The following XKR4 variants were observed in gnomAD, a reference collection of about 807,000 sequenced individuals.
The protein encoded by XKR4 is XK related 4, also known as XK-related protein 4.
In XKR4, 12 loss-of-function variants were observed where a neutral mutation model predicts 53.9. The ratio of observed to expected loss-of-function variants is 0.22; its 90% CI spans 0.14 to 0.36. XKR4 has a LOEUF of 0.36. XKR4 is among the 10% of genes least tolerant of loss of function. XKR4 has a pLI of 1.00. For synonymous variants in XKR4, 354 were observed against 362.4 expected (o/e 0.98, Z 0.26); for missense variants, 799 against 859.5 (o/e 0.93, Z 0.88).
At chr8:55,325,490 G>A (rs1035380293) in intron 1 of XKR4, among the ~76,000 whole-genome samples, 1 of 152,114 alleles carries the variant, frequency 6.6e-6, no homozygotes, top group African/African-American at 2.4e-5. Context: ...AATTTACCCT[G>A]CGGGGTCTTC....
intron 1 of XKR4, among the ~76,000 whole-genome samples, chr8:55,128,367 C>G (rs1816502943): frequency 6.6e-6 from 1 of 152,176 alleles, no homozygotes; most frequent in South Asian, 2.1e-4. Flanking sequence ...CTTCTGTAGT[C>G]TCAGCTCTCA....
intron 2 of XKR4, chr8:55,452,057 G>C (rs987058376): frequency 1.4e-6 from 1 of 714,120 alleles, no homozygotes; most frequent in Admixed American, 2.0e-5. Context: ...AAGGACCCTT[G>C]TTCTTGGTGA....
chr8:55,182,221 T>TA (rs1400212158), intron 1 of XKR4, among the ~76,000 whole-genome samples: 1 of 152,162 alleles, frequency 6.6e-6, no homozygotes, highest in African/African-American at 2.4e-5. Context: ...TGCCTTCTCA[T>TA]TCCCATAACA....
intron 1 of XKR4, among the ~76,000 whole-genome samples, chr8:55,239,925 G>A (rs757272768): frequency 1.3e-5 from 2 of 152,104 alleles, no homozygotes; most frequent in Non-Finnish European, 2.9e-5. Flanking sequence ...TGACCTAATG[G>A]TCTCTCCCCA....
chr8:55,488,661 C>CAAGGATGAATAGAT (rs1585602103), intron 2 of XKR4, among the ~76,000 whole-genome samples: 7 of 16,574 alleles, frequency 4.2e-4, no homozygotes, highest in South Asian at 3.2e-3. Flanking sequence ...CAATGGTGGC[C>CAAGGATGAATAGAT]GGGCGCGGTG....
At chr8:55,321,203 G>A (rs192107041) in intron 1 of XKR4, among the ~76,000 whole-genome samples, 2 of 151,986 alleles carry the variant, frequency 1.3e-5, no homozygotes, top group East Asian at 1.9e-4. Context: ...TTGCAGATTC[G>A]AGTTCTCTCT....
At chr8:55,305,762 C>T (rs1246155739) in intron 1 of XKR4, among the ~76,000 whole-genome samples, 1 of 152,118 alleles carries the variant, frequency 6.6e-6, no homozygotes, top group Non-Finnish European at 1.5e-5. Context: ...ATTCCCAACC[C>T]ACCAAGCTCA....
Position 55,374,463 on chromosome 8 carries a change from T to C in XKR4, c.1006+16586T>C, listed in dbSNP as rs535385788. On this transcript the variant is annotated intron_variant, in intron 2 of 2. Coordinates refer to ENST00000327381, the MANE Select transcript of XKR4 (RefSeq NM_052898.2). ...ACTGTACCTCAAGCTGAGTTGATAG[T>C]TGAAGCAGGGAAAAATAGAAGAGAC... Among the ~76,000 whole-genome samples, 6 of 152,252 alleles carry C rather than the reference T, an allele frequency of 3.9e-5. No homozygotes were observed. The East Asian group carries it at 1.2e-3, about 29-fold the overall frequency.
chr8:55,475,203 G>T (rs900531716), intron 2 of XKR4, among the ~76,000 whole-genome samples: 6 of 152,056 alleles, frequency 3.9e-5, no homozygotes, highest in African/African-American at 1.5e-4. Flanking sequence ...TCATACAAAA[G>T]TAATGTGAAA....
At chr8:55,128,242 C>T (rs926782899) in intron 1 of XKR4, among the ~76,000 whole-genome samples, 1 of 152,166 alleles carries the variant, frequency 6.6e-6, no homozygotes, top group African/African-American at 2.4e-5. Context: ...TCCAGGATGT[C>T]AAGAACAGGA....
rs77461935 is a variant in XKR4 at position 55,362,795 on chromosome 8, A to G, written c.1006+4918A>G. ...AGGCAGAGAAAATACCAGTTCATGT[A>G]CAGACAACTGTCCACAGCCTTCCTC... On this transcript the variant is annotated intron_variant, in intron 2 of 2. Coordinates refer to ENST00000327381, the MANE Select transcript of XKR4 (RefSeq NM_052898.2). Among the ~76,000 whole-genome samples the G allele has an allele frequency of 4.1e-3, 621 of 152,314 alleles. 3 individuals carry two copies. The highest frequency in any genetic ancestry group is 0.015 in the African/African-American group (603 of 41,562).
At chr8:55,468,321 T>C (rs1440912840) in intron 2 of XKR4, among the ~76,000 whole-genome samples, 1 of 152,164 alleles carries the variant, frequency 6.6e-6, no homozygotes, top group Non-Finnish European at 1.5e-5. Context: ...TTTTCATTTC[T>C]TGTCTTGGAC....
intron 2 of XKR4, chr8:55,451,174 C>A (rs541855237): frequency 3.6e-6 from 2 of 550,320 alleles, no homozygotes; most frequent in East Asian, 6.6e-5. Context: ...GGGGGACACC[C>A]GTTGGCCTGG....
chr8:55,518,173 C>A (rs1456421361), intron 2 of XKR4, among the ~76,000 whole-genome samples: 2 of 152,188 alleles, frequency 1.3e-5, no homozygotes, highest in Admixed American at 1.3e-4. Context: ...CTGGGGATTT[C>A]CACGAATTCT....
chr8:55,361,156 C>T (rs900191598), intron 2 of XKR4, among the ~76,000 whole-genome samples: 3 of 152,196 alleles, frequency 2.0e-5, no homozygotes, highest in East Asian at 1.9e-4. Flanking sequence ...ACTGCATGCA[C>T]GGCTGTACCT....
chr8:55,475,182 C>G (rs891580326), intron 2 of XKR4, among the ~76,000 whole-genome samples: 6 of 152,020 alleles, frequency 3.9e-5, no homozygotes, highest in Non-Finnish European at 8.8e-5. Flanking sequence ...GTGACCTCTG[C>G]CCCCATCAGT....
At chr8:55,229,735 G>A (rs1033181171) in intron 1 of XKR4, among the ~76,000 whole-genome samples, 2 of 152,050 alleles carry the variant, frequency 1.3e-5, no homozygotes, top group African/African-American at 4.8e-5. Context: ...CTACATTTAT[G>A]TGGGTTTTCC....
intron 1 of XKR4, among the ~76,000 whole-genome samples, chr8:55,137,713 G>A (rs1816650972): frequency 6.6e-6 from 1 of 151,598 alleles, no homozygotes. Flanking sequence ...ACAGGTGCAT[G>A]CCACCACACC....
chr8:55,150,508 C>T (rs1239558681), intron 1 of XKR4, among the ~76,000 whole-genome samples: 2 of 152,114 alleles, frequency 1.3e-5, no homozygotes, highest in Admixed American at 6.5e-5. Context: ...CTTAGGAAGT[C>T]GTGCATGACC....
Sources: gnomAD v4.1 joint callset for allele counts (sites outside exome capture counted in the v4.1 genomes callset) on GRCh38, gnomAD v4.1.1 for gene constraint, MANE v1.5 for transcripts, NCBI Gene and HGNC (gene_info 2026-07-23, HGNC 2026-07-21) for gene names.